Variants in CHL1 observed in about 807,000 individuals in gnomAD.
CHL1 encodes the protein neural cell adhesion molecule L1-like protein.
In CHL1, 96 loss-of-function variants were observed where a neutral mutation model predicts 141.9. The observed-to-expected ratio is 0.68, with a 90% CI of 0.57 to 0.80. The LOEUF (loss-of-function observed/expected upper bound fraction) is 0.80. CHL1 is among the 30% of genes least tolerant of loss of function. CHL1 has a pLI of 0.00. For missense variants in CHL1, 1,820 were observed against 1,457.2 expected, an observed-to-expected ratio of 1.25 and a Z score of -4.05; for synonymous variants, 613 against 502.2, an observed-to-expected ratio of 1.22 and a Z score of -2.95.
chr3:376,039 G>A (rs1264048810), intron 15 of CHL1, among the ~76,000 whole-genome samples: 1 of 152,158 alleles, frequency 6.6e-6, no homozygotes, highest in Non-Finnish European at 1.5e-5. Flanking sequence ...AGCAGATGAA[G>A]GCAAACAGAG....
chr3:237,965 C>A (rs1692157648), intron 1 of CHL1, among the ~76,000 whole-genome samples: 1 of 152,140 alleles, frequency 6.6e-6, no homozygotes, highest in African/African-American at 2.4e-5. Context: ...TAAGGTTTTG[C>A]TGATAAATAA....
At chr3:214,137 T>G (rs1192653144) in intron 1 of CHL1, among the ~76,000 whole-genome samples, 1 of 152,180 alleles carries the variant, frequency 6.6e-6, no homozygotes, top group Non-Finnish European at 1.5e-5. Context: ...GCCAATAATC[T>G]ATTGAGGTGC....
intron 15 of CHL1, among the ~76,000 whole-genome samples, chr3:377,563 C>G (rs1216348498): frequency 2.0e-5 from 3 of 152,100 alleles, no homozygotes; most frequent in Non-Finnish European, 2.9e-5. Flanking sequence ...CATCACTGAC[C>G]CATGCAAACA....
intron 1 of CHL1, chr3:217,534 C>T (rs1313583850): frequency 6.6e-6 from 1 of 152,166 alleles, no homozygotes; most frequent in Non-Finnish European, 1.5e-5. Context: ...CACGCTGAGC[C>T]AGAAAGGGAA....
chr3:238,270 A>G (rs1473007079), intron 1 of CHL1, among the ~76,000 whole-genome samples: 1 of 152,176 alleles, frequency 6.6e-6, no homozygotes, highest in African/African-American at 2.4e-5. Flanking sequence ...ACCAAAAAAG[A>G]GGTATTTTCA....
intron 1 of CHL1, among the ~76,000 whole-genome samples, chr3:211,752 A>G (rs1334957833): frequency 6.6e-6 from 1 of 152,236 alleles, no homozygotes; most frequent in African/African-American, 2.4e-5. Flanking sequence ...TGCGATATAC[A>G]CAACCCCAAA....
intron 5 of CHL1, among the ~76,000 whole-genome samples, chr3:333,152 G>C (rs1466025592): frequency 2.5e-4 from 4 of 15,946 alleles, no homozygotes; most frequent in African/African-American, 4.4e-4. Context: ...TTTTGCTGCT[G>C]CTGCAGAAAA....
In CHL1 at chr3:325,995, T is replaced by A. The variant is rs148331501; in HGVS notation, c.128T>A (p.Val43Asp). The A allele has an allele frequency of 6.2e-7, 1 of 1,611,932 alleles. No individual in the cohort carries two copies. The highest frequency in any genetic ancestry group is 8.5e-7 in the Non-Finnish European group (1 of 1,178,680). ...QVPTIIKQSKVQVAFPFDEYF... is the reference protein window; with the variant it reads ...QVPTIIKQSKDQVAFPFDEYF... ...CCAACAATCATAAAACAGTCAAAAG[T>A]CCAAGTTGCCTTTCCCTTCGATGAG... The change falls in exon 4 of 28, where the codon GTC becomes GAC. Residue 43 changes from valine (V) to aspartate (D), a missense_variant. By Grantham distance (152) the Val-to-Asp change is radical (BLOSUM62 -3). Coordinates refer to ENST00000256509, the MANE Select transcript of CHL1 (RefSeq NM_006614.4).
At chr3:235,926 G>A (rs1193485807) in intron 1 of CHL1, among the ~76,000 whole-genome samples, 2 of 152,176 alleles carry the variant, frequency 1.3e-5, no homozygotes, top group African/African-American at 4.8e-5. Context: ...CTCCAGAAGA[G>A]GGCCTCTGGC....
At chr3:364,239 A>C (rs1050324560) in intron 14 of CHL1, among the ~76,000 whole-genome samples, 6 of 152,044 alleles carry the variant, frequency 3.9e-5, no homozygotes, top group Admixed American at 2.6e-4. Context: ...TGCCCTGAGT[A>C]AATCAGTGTG....
intron 2 of CHL1, among the ~76,000 whole-genome samples, chr3:267,739 A>C (rs752760543): frequency 1.3e-5 from 2 of 152,194 alleles, no homozygotes; most frequent in Non-Finnish European, 1.5e-5. Flanking sequence ...CTCAAGAAAA[A>C]TGTGAAAGAT....
intron 2 of CHL1, among the ~76,000 whole-genome samples, chr3:273,351 AC>A (rs1695806330): frequency 6.6e-6 from 1 of 152,186 alleles, no homozygotes. Flanking sequence ...AGAGTTCCTT[AC>A]CCAAGAACCT....
chr3:264,485 A>G (rs1199831262), intron 2 of CHL1, among the ~76,000 whole-genome samples: 1 of 152,208 alleles, frequency 6.6e-6, no homozygotes, highest in African/African-American at 2.4e-5. Flanking sequence ...TCTTTAAGAA[A>G]TAGCAGAGGA....
intron 16 of CHL1, among the ~76,000 whole-genome samples, chr3:380,745 A>G (rs1055692845): frequency 2.0e-5 from 3 of 152,250 alleles, no homozygotes; most frequent in Admixed American, 6.5e-5. Context: ...ACACAGTTGC[A>G]GAAAAGAAAG....
At chr3:293,443 C>T (rs138221983) in intron 2 of CHL1, among the ~76,000 whole-genome samples, 499 of 152,150 alleles carry the variant, frequency 3.3e-3, no homozygotes, top group Admixed American at 6.2e-3. Context: ...GTGAAGGTTG[C>T]AGTGGGCTGA....
chr3:308,153 C>G (rs1037463763), intron 2 of CHL1, among the ~76,000 whole-genome samples: 22 of 152,244 alleles, frequency 1.4e-4, no homozygotes, highest in Non-Finnish European at 3.1e-4. Flanking sequence ...TCTGAGTTGT[C>G]TTTGGATGAA....
At chr3:397,898 G>A (rs540396343) in intron 24 of CHL1, among the ~76,000 whole-genome samples, 2 of 152,046 alleles carry the variant, frequency 1.3e-5, no homozygotes, top group African/African-American at 2.4e-5. Context: ...ATTCAGTTTC[G>A]CATTAGGTTT....
Position 406,629 on chromosome 3 carries a change from C to G in CHL1, c.*918C>G, listed in dbSNP as rs1227933561. ...TGTACATATTATGTTAATATTTACA[C>G]AATTTAAAATATAGATGTGTTTTAT... On this transcript the variant is annotated 3_prime_UTR_variant, in exon 28 of 28. Transcript: ENST00000256509. The G allele has an allele frequency of 6.6e-6, 1 of 151,970 alleles. No individual in the cohort carries two copies. Among genetic ancestry groups the G allele is most frequent in the Non-Finnish European group, 1.5e-5 (1 of 67,988 alleles). 9.4% of individuals were successfully genotyped at this position (151,970 alleles called of 1,614,324 possible).
At chr3:358,603 G>A (rs1437184134) in intron 11 of CHL1, among the ~76,000 whole-genome samples, 2 of 152,010 alleles carry the variant, frequency 1.3e-5, no homozygotes, top group Non-Finnish European at 2.9e-5. Context: ...ATTCCAATAA[G>A]TATTTACTGG....
Sources: gnomAD v4.1 joint callset for allele counts (sites outside exome capture counted in the v4.1 genomes callset) on GRCh38, gnomAD v4.1.1 for gene constraint, MANE v1.5 for transcripts, NCBI Gene and HGNC (gene_info 2026-07-23, HGNC 2026-07-21) for gene names.